The following FBXO4 variants were observed in gnomAD, a reference collection of about 807,000 sequenced individuals.
The protein encoded by FBXO4 is F-box only protein 4.
In FBXO4, 36 loss-of-function variants were observed where a neutral mutation model predicts 43.7. That is an observed-to-expected ratio of 0.82 (90% CI 0.63 to 1.09). The LOEUF (loss-of-function observed/expected upper bound fraction) is 1.09, where lower values mean the gene tolerates loss of function less well. Among genes scored for constraint, FBXO4 ranks in the 50% least tolerant of loss-of-function variants. The pLI is 0.00. For synonymous variants in FBXO4, 180 were observed against 165.6 expected (o/e 1.09, Z -0.67); for missense variants, 435 against 474.1 (o/e 0.92, Z 0.77).
At chr5:42,028,688 T>C in the FBXO4 span, among the ~76,000 whole-genome samples, 3 of 151,922 alleles carry the variant, frequency 2.0e-5, no homozygotes, top group Non-Finnish European at 4.4e-5. Flanking sequence ...ATTTTTTGTG[T>C]ATCCAATGTA....
chr5:42,038,268 T>C, the FBXO4 span, among the ~76,000 whole-genome samples: 3 of 152,174 alleles, frequency 2.0e-5, no homozygotes, highest in Middle Eastern at 3.4e-3. Context: ...TAATTAAAAA[T>C]ATTAAAGTGG....
intron 5 of FBXO4, 128 bp downstream of exon 5, chr5:41,934,436 C>G: frequency 6.6e-7 from 1 of 1,508,446 alleles, no homozygotes; most frequent in Non-Finnish European, 8.8e-7. Context: ...TTTTCTGACC[C>G]TTACTATTAA....
At chr5:42,010,372 G>A in the FBXO4 span, among the ~76,000 whole-genome samples, 1 of 152,022 alleles carries the variant, frequency 6.6e-6, no homozygotes, top group African/African-American at 2.4e-5. Context: ...GCCGGGCATG[G>A]TAGCACGTGC....
At chr5:41,992,808 G>A in the FBXO4 span, among the ~76,000 whole-genome samples, 1 of 152,190 alleles carries the variant, frequency 6.6e-6, no homozygotes, top group South Asian at 2.1e-4. Flanking sequence ...CAAATTTTGA[G>A]TTAAAATATT....
intron 3 of FBXO4, among the ~76,000 whole-genome samples, chr5:41,932,072 G>A (rs1389984077): frequency 1.3e-5 from 2 of 152,200 alleles, no homozygotes; most frequent in East Asian, 3.8e-4. Flanking sequence ...TGGCTATTAG[G>A]TCAAAGGAAC....
At chr5:41,982,495 A>C in the FBXO4 span, among the ~76,000 whole-genome samples, 12 of 152,068 alleles carry the variant, frequency 7.9e-5, no homozygotes, top group Admixed American at 1.3e-4. Flanking sequence ...TGAGCTTAAA[A>C]TTTATTTATA....
the FBXO4 span, among the ~76,000 whole-genome samples, chr5:42,011,028 C>G: frequency 5.8e-4 from 88 of 152,240 alleles, no homozygotes; most frequent in African/African-American, 2.0e-3. Context: ...CCTCCCCTAG[C>G]CCCCAACCCA....
At chr5:41,997,012 G>A in the FBXO4 span, among the ~76,000 whole-genome samples, 6 of 152,250 alleles carry the variant, frequency 3.9e-5, no homozygotes, top group Non-Finnish European at 8.8e-5. Context: ...CTCTGAATAA[G>A]ATTATGACAC....
chr5:41,955,552 A>T, the FBXO4 span, among the ~76,000 whole-genome samples: 240 of 152,346 alleles, frequency 1.6e-3, 3 homozygotes, highest in Non-Finnish European at 3.0e-3. Context: ...GCAAAAGGAG[A>T]TAAAACACAG....
At chr5:41,999,470 TATATATACAC>T in the FBXO4 span, among the ~76,000 whole-genome samples, 2 of 35,264 alleles carry the variant, frequency 5.7e-5, no homozygotes, top group African/African-American at 7.4e-5. Flanking sequence ...TGTGTGTATA[TATATATACAC>T]ATATATATAT....
At chr5:42,035,177 T>C in the FBXO4 span, among the ~76,000 whole-genome samples, 62 of 152,108 alleles carry the variant, frequency 4.1e-4, 1 homozygote, top group Non-Finnish European at 4.4e-5. Context: ...TTTTGTATCC[T>C]GAGACTTTGC....
the FBXO4 span, among the ~76,000 whole-genome samples, chr5:41,989,106 C>CT: frequency 1.3e-5 from 2 of 152,086 alleles, no homozygotes; most frequent in African/African-American, 4.8e-5. Flanking sequence ...AAAAAACGGC[C>CT]ACAATGATGT....
At chr5:42,011,014 C>T in the FBXO4 span, among the ~76,000 whole-genome samples, 1 of 152,056 alleles carries the variant, frequency 6.6e-6, no homozygotes, top group African/African-American at 2.4e-5. Context: ...CTCCTAATGC[C>T]ATCCCTCCCC....
In FBXO4 at chr5:41,939,629, A is replaced by G; in HGVS notation, c.1074+13A>G. 6 of 1,575,526 alleles carry G rather than the reference A, an allele frequency of 3.8e-6. No individual in the cohort carries two copies. Among genetic ancestry groups the G allele is most frequent in the Non-Finnish European group, 5.2e-6 (6 of 1,161,424 alleles). On this transcript the variant is annotated intron_variant, in intron 6 of 6. Coordinates refer to ENST00000281623, the MANE Select transcript of FBXO4 (RefSeq NM_012176.3). ...TCACCCATGGCTGGTAAGATCATTT[A>G]TACTCTAGTGACAAAAATTTTATTT...
At chr5:42,006,887 GATATAT>G in the FBXO4 span, among the ~76,000 whole-genome samples, 3,495 of 79,110 alleles carry the variant, frequency 0.044, 181 homozygotes, top group Middle Eastern at 0.11. Flanking sequence ...GGTTCATGCT[GATATAT>G]ATATATATAT....
chr5:41,937,271 C>G (rs550014251), intron 5 of FBXO4, among the ~76,000 whole-genome samples: 1 of 152,074 alleles, frequency 6.6e-6, no homozygotes, highest in Non-Finnish European at 1.5e-5. Context: ...ATCTTTAACG[C>G]AGCCAGAAAA....
chr5:41,996,288 G>A, the FBXO4 span, among the ~76,000 whole-genome samples: 1 of 152,182 alleles, frequency 6.6e-6, no homozygotes, highest in Non-Finnish European at 1.5e-5. Flanking sequence ...GTTCATGACA[G>A]GCAGTTCAGG....
chr5:42,032,057 CTGTGTGTGTGTGTG>C, the FBXO4 span, among the ~76,000 whole-genome samples: 1,884 of 139,326 alleles, frequency 0.014, 24 homozygotes, highest in Middle Eastern at 0.025. Flanking sequence ...GTCTTTTTTT[CTGTGTGTGTGTGTG>C]TGTGTGTGTG....
chr5:42,006,030 T>C, the FBXO4 span, among the ~76,000 whole-genome samples: 1 of 152,112 alleles, frequency 6.6e-6, no homozygotes, highest in Non-Finnish European at 1.5e-5. Context: ...TCCCAAATGT[T>C]TGGCTCTTTT....
Sources: allele counts gnomAD v4.1 joint callset (sites outside exome capture counted in the v4.1 genomes callset), GRCh38; gene constraint gnomAD v4.1.1; transcripts MANE v1.5; gene names NCBI Gene and HGNC (gene_info 2026-07-23, HGNC 2026-07-21).